Variants in WWOX observed in about 807,000 individuals in gnomAD.
WWOX encodes WW domain containing oxidoreductase, also known as WW domain-containing oxidoreductase.
In WWOX, 69 loss-of-function variants were observed where a neutral mutation model predicts 46.2. The observed-to-expected ratio is 1.49, with a 90% CI of 1.23 to 1.82. The LOEUF (loss-of-function observed/expected upper bound fraction) is 1.82. Ranked by LOEUF, WWOX falls within the 40% of genes most tolerant of loss-of-function variation. WWOX has a pLI of 0.00. For synonymous variants in WWOX, 359 were observed against 202.6 expected (o/e 1.77, Z -6.56); for missense variants, 919 against 542.6 (o/e 1.69, Z -6.89).
intron 5 of WWOX, among the ~76,000 whole-genome samples, chr16:78,254,658 C>T (rs530707656): frequency 2.0e-5 from 3 of 151,902 alleles, no homozygotes; most frequent in Admixed American, 2.0e-4. Context: ...GCCTCCTGAG[C>T]ACCCGGGTGC....
At chr16:79,172,194 A>G (rs936469036) in intron 8 of WWOX, among the ~76,000 whole-genome samples, 1 of 152,146 alleles carries the variant, frequency 6.6e-6, no homozygotes, top group African/African-American at 2.4e-5. Flanking sequence ...AATTATATCC[A>G]AAATAATGCC....
At chr16:78,307,190 G>A (rs1167764939) in intron 5 of WWOX, among the ~76,000 whole-genome samples, 1 of 152,180 alleles carries the variant, frequency 6.6e-6, no homozygotes, top group Non-Finnish European at 1.5e-5. Context: ...TATGAAGTAA[G>A]TAGGGAACTA....
At chr16:78,922,833 C>T (rs2045410067) in intron 8 of WWOX, among the ~76,000 whole-genome samples, 2 of 152,144 alleles carry the variant, frequency 1.3e-5, no homozygotes, top group South Asian at 4.1e-4. Flanking sequence ...CAGTCCTGGG[C>T]ACCATTGCTA....
chr16:78,935,993 G>C (rs960245957), intron 8 of WWOX, among the ~76,000 whole-genome samples: 1 of 152,166 alleles, frequency 6.6e-6, no homozygotes, highest in Non-Finnish European at 1.5e-5. Flanking sequence ...TGGGATTTTA[G>C]TTGCTGGATG....
chr16:78,882,996 C>G (rs1052463989), intron 8 of WWOX, among the ~76,000 whole-genome samples: 23 of 152,244 alleles, frequency 1.5e-4, no homozygotes, highest in African/African-American at 4.6e-4. Flanking sequence ...GTTTCTTTGG[C>G]TGCTCCCGAC....
Position 78,703,884 on chromosome 16 carries a change from A to G in WWOX, c.1056+271132A>G, listed in dbSNP as rs540371750. On this transcript the variant is annotated intron_variant, in intron 8 of 8. Transcript: ENST00000566780. Reference sequence around the variant, plus strand: ...CTGAACTATGACTCTGATCTTCTCAATCTCTCAGTGGGAAAGAGTTTTGGA... The same window carrying G: ...CTGAACTATGACTCTGATCTTCTCAGTCTCTCAGTGGGAAAGAGTTTTGGA... Among the ~76,000 whole-genome samples the G allele has an allele frequency of 1.1e-3, 170 of 152,104 alleles. 3 individuals carry two copies. The South Asian group carries it at 0.027, about 24-fold the overall frequency.
intron 4 of WWOX, among the ~76,000 whole-genome samples, chr16:78,115,757 G>T (rs188371068): frequency 6.6e-5 from 10 of 152,268 alleles, no homozygotes; most frequent in Admixed American, 6.5e-4. Flanking sequence ...AGCAAGGCGG[G>T]AGCAAACCAT....
At chr16:78,226,871 A>G (rs1320172715) in intron 5 of WWOX, among the ~76,000 whole-genome samples, 1 of 152,210 alleles carries the variant, frequency 6.6e-6, no homozygotes, top group Non-Finnish European at 1.5e-5. Flanking sequence ...ATAGATTCAT[A>G]GCGCTTCCAG....
At chr16:78,973,692 G>C (rs1273269403) in intron 8 of WWOX, among the ~76,000 whole-genome samples, 1 of 152,180 alleles carries the variant, frequency 6.6e-6, no homozygotes, top group Non-Finnish European at 1.5e-5. Flanking sequence ...ACAAATGAAA[G>C]TTTAAAGCTT....
At chr16:78,333,042 AC>A (rs1160918911) in intron 5 of WWOX, among the ~76,000 whole-genome samples, 1 of 62,178 alleles carries the variant, frequency 1.6e-5, no homozygotes, top group African/African-American at 5.1e-5. Flanking sequence ...AGAGCATTAT[AC>A]TTTTTTTTTT....
chr16:78,782,234 C>G (rs915254291), intron 8 of WWOX, among the ~76,000 whole-genome samples: 2 of 152,176 alleles, frequency 1.3e-5, no homozygotes, highest in South Asian at 2.1e-4. Context: ...CTGGACTTCT[C>G]TGCTCCTGGC....
At chr16:78,858,578 A>G (rs549789477) in intron 8 of WWOX, among the ~76,000 whole-genome samples, 91 of 152,254 alleles carry the variant, frequency 6.0e-4, no homozygotes, top group African/African-American at 2.0e-3. Context: ...GATAACTTCT[A>G]TCACCAGCAC....
At chr16:78,590,587 A>G (rs1567665250) in intron 8 of WWOX, among the ~76,000 whole-genome samples, 1 of 152,212 alleles carries the variant, frequency 6.6e-6, no homozygotes, top group South Asian at 2.1e-4. Context: ...TGTTGAGGAG[A>G]CATAACCAAG....
intron 7 of WWOX, among the ~76,000 whole-genome samples, chr16:78,430,404 A>T (rs57786489): frequency 0.046 from 7,033 of 152,226 alleles, 296 homozygotes; most frequent in East Asian, 0.21. Context: ...TTCTACATGT[A>T]AATAGTTGTT....
chr16:78,532,423 G>T (rs2043644725), intron 8 of WWOX, among the ~76,000 whole-genome samples: 1 of 151,976 alleles, frequency 6.6e-6, no homozygotes. Flanking sequence ...TTCCTGCCTA[G>T]GCTCTCCCCT....
chr16:78,544,614 G>T (rs1173198842), intron 8 of WWOX, among the ~76,000 whole-genome samples: 1 of 152,166 alleles, frequency 6.6e-6, no homozygotes, highest in African/African-American at 2.4e-5. Context: ...GGCTGGGCAT[G>T]GTGGCTCACA....
At chr16:78,399,187 C>T (rs554275389) in intron 6 of WWOX, among the ~76,000 whole-genome samples, 50 of 152,036 alleles carry the variant, frequency 3.3e-4, no homozygotes, top group Admixed American at 6.5e-4. Context: ...AAGGATGGAA[C>T]GGAAGAAGAG....
intron 5 of WWOX, among the ~76,000 whole-genome samples, chr16:78,304,740 A>G (rs1359449545): frequency 1.3e-5 from 2 of 152,214 alleles, no homozygotes; most frequent in Non-Finnish European, 2.9e-5. Context: ...AACCTTGTAC[A>G]CATTTCCTGT....
intron 5 of WWOX, among the ~76,000 whole-genome samples, chr16:78,375,521 T>C (rs1345331937): frequency 6.6e-6 from 1 of 152,244 alleles, no homozygotes; most frequent in Admixed American, 6.5e-5. Flanking sequence ...GAGACACAGA[T>C]ATGAAACTGT....
Sources: allele counts gnomAD v4.1 joint callset (sites outside exome capture counted in the v4.1 genomes callset), GRCh38; gene constraint gnomAD v4.1.1; transcripts MANE v1.5; gene names NCBI Gene and HGNC (gene_info 2026-07-23, HGNC 2026-07-21).